LPAR6: variants seen among roughly 807,000 people sequenced by gnomAD.
LPAR6 encodes lysophosphatidic acid receptor 6.
Under a neutral mutation model 22.0 loss-of-function variants are expected in LPAR6, and 17 were observed. The observed-to-expected ratio is 0.77, with a 90% CI of 0.53 to 1.16. The LOEUF is 1.16. Among genes scored for constraint, LPAR6 ranks in the 50% most tolerant of loss-of-function variants. LPAR6 has a pLI of 0.00. For synonymous variants in LPAR6, 136 were observed against 139.8 expected (o/e 0.97, Z 0.19); for missense variants, 384 against 406.9 (o/e 0.94, Z 0.48).
At chr13:48,442,059 A>G (rs967593533) in intron 1 of LPAR6, among the ~76,000 whole-genome samples, 1 of 152,166 alleles carries the variant, frequency 6.6e-6, no homozygotes, top group African/African-American at 2.4e-5. Flanking sequence ...CTCCTTCTAC[A>G]TCTACAAAAT....
chr13:48,401,788 C>CA (rs1473397250), intron 1 of LPAR6, among the ~76,000 whole-genome samples: 1 of 152,040 alleles, frequency 6.6e-6, no homozygotes, highest in African/African-American at 2.4e-5. Context: ...TTAGCCTTTT[C>CA]AAAAAAGCCT....
chr13:48,414,029 G>C (rs996981232), upstream of LPAR6, among the ~76,000 whole-genome samples: 2 of 151,950 alleles, frequency 1.3e-5, no homozygotes, highest in Non-Finnish European at 2.9e-5. Context: ...TCTATGAATG[G>C]TTTATATGTT....
At chr13:48,420,565 C>T (rs1948989616) in intron 2 of LPAR6, among the ~76,000 whole-genome samples, 1 of 151,972 alleles carries the variant, frequency 6.6e-6, no homozygotes, top group Non-Finnish European at 1.5e-5. Context: ...AGAAATAAAG[C>T]GTATTCAAGT....
intron 1 of LPAR6, among the ~76,000 whole-genome samples, chr13:48,398,324 A>G (rs534307045): frequency 6.6e-6 from 1 of 152,248 alleles, no homozygotes; most frequent in South Asian, 2.1e-4. Context: ...CTTGACTTCC[A>G]CAGCTAAATA....
intron 2 of LPAR6, among the ~76,000 whole-genome samples, chr13:48,422,264 G>A (rs150606452): frequency 1.2e-3 from 187 of 152,180 alleles, no homozygotes; most frequent in African/African-American, 4.2e-3. Context: ...AACTAACACA[G>A]GAACAGAAAA....
rs373712773 is a variant in LPAR6, at chr13:48,412,434, C to G, written c.-11G>C. 891 of 1,605,990 alleles carry G rather than the reference C, an allele frequency of 5.5e-4. No individual in the cohort carries two copies. Among genetic ancestry groups the G allele is most frequent in the Non-Finnish European group, 7.2e-4 (849 of 1,172,806 alleles). ...GTTAACGCTTACCATCGTAAAGGCA[C>G]GTCCAATTTTCAGTTTGGAAGCACT... On this transcript the variant is annotated 5_prime_UTR_variant, in exon 1 of 1. Transcript: ENST00000620633.
At chr13:48,443,944 C>T (rs956945985) in intron 1 of LPAR6, among the ~76,000 whole-genome samples, 1 of 152,126 alleles carries the variant, frequency 6.6e-6, no homozygotes, top group Non-Finnish European at 1.5e-5. Flanking sequence ...TGCTCTCATA[C>T]CACCACAACA....
At chr13:48,394,341 C>T (rs565764606) in intron 1 of LPAR6, among the ~76,000 whole-genome samples, 62 of 152,284 alleles carry the variant, frequency 4.1e-4, no homozygotes, top group Non-Finnish European at 7.1e-4. Context: ...GGGCAGATAC[C>T]GAGCTAGCTG....
intron 2 of LPAR6, among the ~76,000 whole-genome samples, chr13:48,422,017 G>T (rs139547958): frequency 0.01 from 1,528 of 152,218 alleles, 37 homozygotes; most frequent in African/African-American, 0.035. Context: ...CCATTACTGG[G>T]TATATACCCA....
At chr13:48,437,472 C>A (rs4151562) in intron 1 of LPAR6, among the ~76,000 whole-genome samples, 1,671 of 152,242 alleles carry the variant, frequency 0.011, 28 homozygotes, top group African/African-American at 0.037. Context: ...CTGGGAGTGG[C>A]TTTACTGTGT....
chr13:48,420,723 A>G (rs918175322), intron 2 of LPAR6, among the ~76,000 whole-genome samples: 27 of 152,214 alleles, frequency 1.8e-4, no homozygotes, highest in African/African-American at 6.0e-4. Flanking sequence ...AGAAATCACA[A>G]GTATTCCTAT....
chr13:48,407,476 T>C (rs978367811), downstream of LPAR6, among the ~76,000 whole-genome samples: 1 of 152,186 alleles, frequency 6.6e-6, no homozygotes, highest in African/African-American at 2.4e-5. Flanking sequence ...CTTGTTTAAT[T>C]GACATTCTTT....
At chr13:48,438,553 T>C (rs549276069) in intron 1 of LPAR6, among the ~76,000 whole-genome samples, 8 of 152,068 alleles carry the variant, frequency 5.3e-5, no homozygotes, top group Non-Finnish European at 8.8e-5. Flanking sequence ...TATTTACTTA[T>C]CTGTTTTTTT....
At chr13:48,440,665 A>C (rs1218981070) in intron 1 of LPAR6, among the ~76,000 whole-genome samples, 2 of 152,216 alleles carry the variant, frequency 1.3e-5, no homozygotes, top group Non-Finnish European at 2.9e-5. Flanking sequence ...GTTTTAACCA[A>C]GAAGAACTTA....
At chr13:48,415,666 T>C (rs1948896720), upstream of LPAR6, 1 of 152,206 alleles carries the variant, frequency 6.6e-6, no homozygotes, top group Non-Finnish European at 1.5e-5. Flanking sequence ...TTCATTATTA[T>C]CAGTATCATA....
At chr13:48,401,532 TG>T (rs1189843561) in intron 1 of LPAR6, 2 of 152,214 alleles carry the variant, frequency 1.3e-5, no homozygotes, top group Non-Finnish European at 2.9e-5. Flanking sequence ...AACAACTTTT[TG>T]GCATTTCATT....
intron 1 of LPAR6, among the ~76,000 whole-genome samples, chr13:48,441,020 A>G (rs2138305834): frequency 6.6e-6 from 1 of 152,348 alleles, no homozygotes; most frequent in African/African-American, 2.4e-5. Context: ...ATTAATCATT[A>G]GATTTTCTGA....
chr13:48,411,699 A>C lies in LPAR6; in HGVS notation c.725T>G (p.Phe242Cys). ...AATAAGATTGATATTGTAAGGAACAAAACAGAAACAGAATATGATCAAATG... is the reference window on the plus strand; with the variant it reads ...AATAAGATTGATATTGTAAGGAACACAACAGAAACAGAATATGATCAAATG... ...FVHLIIFCFC[F>C]VPYNINLILY... The change falls in exon 1 of 1, where the codon TTT (phenylalanine) becomes TGT (cysteine). Residue 242 changes from phenylalanine to cysteine, a missense_variant. Coordinates refer to ENST00000620633, the MANE Select transcript of LPAR6 (RefSeq NM_001162498.3). 1 of 1,607,156 alleles carries C rather than the reference A, an allele frequency of 6.2e-7. No homozygotes were observed. Among genetic ancestry groups the C allele is most frequent in the Non-Finnish European group, 8.5e-7 (1 of 1,173,908 alleles).
upstream of LPAR6, among the ~76,000 whole-genome samples, chr13:48,428,716 A>G (rs1236928456): frequency 1.3e-5 from 2 of 152,224 alleles, no homozygotes; most frequent in African/African-American, 4.8e-5. Context: ...CTTCATTTTT[A>G]GCTTCATCTT....
Sources: gnomAD v4.1 joint callset for allele counts (sites outside exome capture counted in the v4.1 genomes callset) on GRCh38, gnomAD v4.1.1 for gene constraint, MANE v1.5 for transcripts, NCBI Gene and HGNC (gene_info 2026-07-23, HGNC 2026-07-21) for gene names.